CHRNA4: variants seen among roughly 807,000 people sequenced by gnomAD.
CHRNA4 encodes neuronal acetylcholine receptor subunit alpha-4.
CHRNA4 carries 28 observed loss-of-function variants against 48.9 expected under a neutral mutation model. The ratio of observed to expected loss-of-function variants is 0.57; its 90% confidence interval spans 0.42 to 0.79. The LOEUF (loss-of-function observed/expected upper bound fraction) is 0.79, where lower values mean the gene tolerates loss of function less well. Ranked by LOEUF, CHRNA4 falls within the 30% of genes least tolerant of loss-of-function variation. The pLI is 0.00. For missense variants in CHRNA4, 859 were observed against 898.4 expected, an observed-to-expected ratio of 0.96 and a Z score of 0.56; for synonymous variants, 425 against 402.3, an observed-to-expected ratio of 1.06 and a Z score of -0.68.
chr20:63,343,951 G>T lies in CHRNA4; in HGVS notation c.*2787C>A, dbSNP rs771069856. ...AGGAGGAGCAGTCCTGGGTCTGAAA[G>T]ATGTTAAAACATTAACAGATGCAGA... On this transcript the variant is annotated 3_prime_UTR_variant, in exon 6 of 6. Coordinates refer to ENST00000370263, the MANE Select transcript of CHRNA4 (RefSeq NM_000744.7). 3 of 454,164 alleles carry T rather than the reference G, an allele frequency of 6.6e-6. No individual in the cohort carries two copies. The highest frequency in any genetic ancestry group is 4.7e-5 in the South Asian group (3 of 64,478). The allele number at this position is 454,164 out of a possible 1,614,324, so 28.1% of individuals were successfully genotyped here. A position where few individuals can be genotyped will look rare whatever the true frequency, so the allele number is the denominator to read the frequency against.
Position 63,349,976 on chromosome 20 carries a change from C to A in CHRNA4, c.1435G>T (p.Glu479Ter). Residue 479 changes from glutamate (E) to a stop codon, truncating the protein, a stop_gained, in exon 5 of 6, where the codon GAA becomes TAA. Transcript: ENST00000370263. LOFTEE classifies it high-confidence loss of function. ...QHMSSPGEAV[E>*]GGVRCRSRSI... ...CGAGACCGGCACCGGACGCCGCCTTCCACCGCTTCGCCAGGGCTGGACATG... is the reference window on the plus strand; with the variant it reads ...CGAGACCGGCACCGGACGCCGCCTTACACCGCTTCGCCAGGGCTGGACATG... 6.4e-7 allele frequency: 1 copy of A among 1,555,400 alleles called. No individual in the cohort carries two copies. The highest frequency in any genetic ancestry group is 8.7e-7 in the Non-Finnish European group (1 of 1,149,084).
rs2068478443 is a variant in CHRNA4 at position 63,345,557 on chromosome 20, AGG to A, written c.*1179_*1180del. On this transcript the variant is annotated 3_prime_UTR_variant, in exon 6 of 6. Transcript: ENST00000370263. The surrounding 1 kb of genome is among the most constrained non-coding windows in gnomAD (Gnocchi z 5.4). ...TCCCTCACCTCTGGATACCGCCTGC[AGG>A]GGTGAGGCTGTGCTGAGCTCTGCCT... The A allele has an allele frequency of 2.3e-6, 1 of 432,562 alleles. No homozygotes were observed. The highest frequency in any genetic ancestry group is 2.0e-5 in the African/African-American group (1 of 49,508). The allele number at this position is 432,562 out of a possible 1,614,324, so 26.8% of individuals were successfully genotyped here. A position where few individuals can be genotyped will look rare whatever the true frequency, so the allele number is the denominator to read the frequency against.
At chr20:63,360,886 C>G (rs1294312048) in intron 1 of CHRNA4, 2 of 428,634 alleles carry the variant, frequency 4.7e-6, no homozygotes, top group African/African-American at 2.1e-5. Context: ...TCCGCATTCG[C>G]CGGCGGTCAA....
Position 63,343,343 on chromosome 20 carries a change from C to T in CHRNA4, c.*3395G>A, listed in dbSNP as rs1280130349. 2.2e-5 allele frequency: 10 copies of T among 452,180 alleles called. No homozygotes were observed. Among genetic ancestry groups the T allele is most frequent in the East Asian group, 7.0e-5 (1 of 14,332 alleles). The allele number at this position is 452,180 out of a possible 1,614,324, so 28.0% of individuals were successfully genotyped here. A position where few individuals can be genotyped will look rare whatever the true frequency, so the allele number is the denominator to read the frequency against. On this transcript the variant is annotated 3_prime_UTR_variant, in exon 6 of 6. Transcript: ENST00000370263. ...ACCTGGGCTCGGCGGGCCACACGGT[C>T]GGCGGGGCTTGGTCCATGGGGCTGG...
In CHRNA4 at chr20:63,344,972, CA is replaced by C; in HGVS notation, c.*1765del. 4.8e-6 allele frequency: 2 copies of C among 419,296 alleles called. No homozygotes were observed. Among genetic ancestry groups the C allele is most frequent in the Non-Finnish European group, 9.7e-6 (2 of 205,402 alleles). The allele number at this position is 419,296 out of a possible 1,614,324, so 26.0% of individuals were successfully genotyped here. The stretch of plus-strand genomic sequence containing the variant: ...CTCTGTGTCCCACCCACTCCTGGCA[CA>C]AAAGCCCCAGCCTCAGGACCCCGGT... On this transcript the variant is annotated 3_prime_UTR_variant, in exon 6 of 6. Transcript: ENST00000370263. This position sits in a 1 kb window ranked among gnomAD's most constrained non-coding sequence, Gnocchi z 4.5.
intron 4 of CHRNA4, among the ~76,000 whole-genome samples, chr20:63,353,063 A>C (rs1207806603): frequency 6.6e-6 from 1 of 152,198 alleles, no homozygotes; most frequent in Non-Finnish European, 1.5e-5. Context: ...CAGGGCCCAC[A>C]GGCTGGCGTG....
At position 63,343,367 on chromosome 20, in the gene CHRNA4, G is replaced by A; in HGVS notation, c.*3371C>T. ...TCGGCGGGGCTTGGTCCATGGGGCT[G>A]GCCGGGCTTGCATCCCCAGGTGCTG... is the stretch of plus-strand genomic sequence containing the variant. On this transcript the variant is annotated 3_prime_UTR_variant, in exon 6 of 6. Transcript: ENST00000370263. The A allele has an allele frequency of 2.2e-6, 1 of 454,064 alleles. No individual in the cohort carries two copies. The highest frequency in any genetic ancestry group is 4.4e-6 in the Non-Finnish European group (1 of 226,760). The allele number at this position is 454,064 out of a possible 1,614,324, so 28.1% of individuals were successfully genotyped here.
At chr20:63,355,931 C>G in intron 4 of CHRNA4, 44 bp downstream of exon 4, 1 of 1,603,812 alleles carries the variant, frequency 6.2e-7, no homozygotes, top group East Asian at 2.3e-5. Context: ...CCACTCCTGC[C>G]CACCAAGGCC....
At position 63,350,167 on chromosome 20, in the gene CHRNA4, G is replaced by T; in HGVS notation, c.1244C>A (p.Pro415Gln). The part of the protein sequence containing the change: ...SPSFCVPLDV[P>Q]AEPGPSCKSP... ...CTTGCAGGAAGGCCCAGGCTCAGCCGGCACATCCAGGGGGACACAGAAGGA... is the reference window on the plus strand; with the variant it reads ...CTTGCAGGAAGGCCCAGGCTCAGCCTGCACATCCAGGGGGACACAGAAGGA... The change falls in exon 5 of 6, where the codon CCG (proline) becomes CAG (glutamine). Residue 415 changes from proline to glutamine, a missense_variant. Coordinates refer to ENST00000370263, the MANE Select transcript of CHRNA4 (RefSeq NM_000744.7). The T allele has an allele frequency of 1.3e-6, 2 of 1,585,412 alleles. No individual in the cohort carries two copies. The highest frequency in any genetic ancestry group is 1.7e-6 in the Non-Finnish European group (2 of 1,163,772).
intron 5 of CHRNA4, among the ~76,000 whole-genome samples, chr20:63,347,209 G>T (rs545449537): frequency 1.3e-5 from 2 of 152,198 alleles, no homozygotes; most frequent in African/African-American, 4.8e-5. Flanking sequence ...AAGGGGGCAC[G>T]GGGGAGGGGG....
At chr20:63,352,821 G>A (rs1052046443) in intron 4 of CHRNA4, among the ~76,000 whole-genome samples, 2 of 136,132 alleles carry the variant, frequency 1.5e-5, no homozygotes, top group African/African-American at 2.8e-5. Context: ...ACAAGGTCAG[G>A]GCCAGGTCCC....
rs2068579407 is a variant in CHRNA4 at position 63,350,608 on chromosome 20, G to A, written c.803C>T (p.Pro268Leu). ...SCLTVLVFYL[P>L]SECGEKITLC... ...CGTGATCTTCTCGCCACACTCGGAG[G>A]GCAGGTAGAAGACCAGCACGGTGAG... Residue 268 changes from proline to leucine, a missense_variant, in exon 5 of 6, where the codon CCC becomes CTC. This residue lies in a region of CHRNA4 where 39 missense variants were observed against 77.7 expected (regional missense o/e 0.50). Coordinates refer to ENST00000370263, the MANE Select transcript of CHRNA4 (RefSeq NM_000744.7). The A allele has an allele frequency of 6.2e-7, 1 of 1,613,938 alleles. No individual in the cohort carries two copies. The highest frequency in any genetic ancestry group is 8.5e-7 in the Non-Finnish European group (1 of 1,180,032).
At chr20:63,357,533 A>C (rs948549812) in intron 2 of CHRNA4, among the ~76,000 whole-genome samples, 4 of 152,238 alleles carry the variant, frequency 2.6e-5, no homozygotes, top group African/African-American at 9.6e-5. Context: ...CTCTGCAGCC[A>C]GTCCTGGGGC....
intron 4 of CHRNA4, 139 bp downstream of exon 4, chr20:63,355,836 C>A: frequency 1.7e-6 from 2 of 1,202,266 alleles, no homozygotes; most frequent in Non-Finnish European, 1.2e-6. Context: ...TGGGCCTGGG[C>A]TGGCATGCAT....
chr20:63,349,524 C>G, intron 5 of CHRNA4, 129 bp downstream of exon 5: 2 of 1,201,466 alleles, frequency 1.7e-6, no homozygotes, highest in Non-Finnish European at 2.4e-6. Context: ...GCAGGGGCCA[C>G]GCCCTGCACC....
chr20:63,348,603 T>TGAG (rs1226538768), intron 5 of CHRNA4, among the ~76,000 whole-genome samples: 1 of 152,202 alleles, frequency 6.6e-6, no homozygotes, highest in Non-Finnish European at 1.5e-5. Context: ...GGTGGCCCAC[T>TGAG]GAGGGCACCA....
rs1290867909 is a variant in CHRNA4, at chr20:63,345,812, A to G, written c.*926T>C. ...GCTGCGCGCCAAGGTGGAAACCCTC[A>G]GGGTCCTGGGGGAACCAGGGCCCAG... On this transcript the variant is annotated 3_prime_UTR_variant, in exon 6 of 6. Transcript: ENST00000370263. The surrounding 1 kb of genome is among the most constrained non-coding windows in gnomAD (Gnocchi z 5.4). 4.5e-6 allele frequency: 2 copies of G among 445,302 alleles called. No individual in the cohort carries two copies. Among genetic ancestry groups the G allele is most frequent in the Non-Finnish European group, 9.1e-6 (2 of 220,046 alleles). The allele number at this position is 445,302 out of a possible 1,614,324, so 27.6% of individuals were successfully genotyped here. A position where few individuals can be genotyped will look rare whatever the true frequency, so the allele number is the denominator to read the frequency against.
chr20:63,347,555 C>T (rs1280837586), intron 5 of CHRNA4, among the ~76,000 whole-genome samples: 1 of 152,226 alleles, frequency 6.6e-6, no homozygotes, highest in Non-Finnish European at 1.5e-5. Context: ...GGAGCAGAGG[C>T]CTAGGGAGGG....
chr20:63,358,285 A>C (rs2068749624), intron 2 of CHRNA4, among the ~76,000 whole-genome samples: 1 of 152,160 alleles, frequency 6.6e-6, no homozygotes, highest in Non-Finnish European at 1.5e-5. Flanking sequence ...ATGTGGCTGC[A>C]GCTCCCCACA....
Sources: allele counts gnomAD v4.1 joint callset (sites outside exome capture counted in the v4.1 genomes callset), GRCh38; gene constraint gnomAD v4.1.1; regional missense constraint gnomAD v4.1.1; non-coding constraint Gnocchi (gnomAD v3.1); transcripts MANE v1.5; gene names NCBI Gene and HGNC (gene_info 2026-07-23, HGNC 2026-07-21).